G2E3: variants seen among roughly 807,000 people sequenced by gnomAD.
G2E3 encodes the protein G2/M phase-specific E3 ubiquitin-protein ligase.
A neutral mutation model predicts 92.8 loss-of-function variants in G2E3; 35 were observed. That is an observed-to-expected ratio of 0.38 (90% CI 0.29 to 0.50). The LOEUF (loss-of-function observed/expected upper bound fraction) is 0.50, where lower values mean the gene tolerates loss of function less well. G2E3 is among the 20% of genes least tolerant of loss of function. The probability of loss-of-function intolerance (pLI) is 0.94; values close to 1 mark genes in which losing one functional copy is unlikely to be tolerated. For missense variants in G2E3, 554 were observed against 823.8 expected, an observed-to-expected ratio of 0.67 and a Z score of 4.01; for synonymous variants, 242 against 272.4, an observed-to-expected ratio of 0.89 and a Z score of 1.10.
At chr14:30,585,028 G>A (rs1216999166) in intron 2 of G2E3, among the ~76,000 whole-genome samples, 3 of 151,692 alleles carry the variant, frequency 2.0e-5, no homozygotes, top group Non-Finnish European at 4.4e-5. Flanking sequence ...TAGAGATGGG[G>A]TTTCACCATG....
intron 7 of G2E3, among the ~76,000 whole-genome samples, chr14:30,597,898 T>C (rs1881367566): frequency 6.6e-6 from 1 of 152,188 alleles, no homozygotes; most frequent in Non-Finnish European, 1.5e-5. Flanking sequence ...GATAGTGAAC[T>C]TAAAATTAAA....
At chr14:30,572,507 C>G (rs954059185) in intron 1 of G2E3, among the ~76,000 whole-genome samples, 1 of 152,002 alleles carries the variant, frequency 6.6e-6, no homozygotes, top group Non-Finnish European at 1.5e-5. Flanking sequence ...TGTAGATGCC[C>G]TTTATTAGGT....
intron 1 of G2E3, among the ~76,000 whole-genome samples, chr14:30,563,693 TTTTGTGTG>T (rs1434314951): frequency 8.4e-6 from 1 of 118,422 alleles, no homozygotes; most frequent in Admixed American, 9.1e-5. Context: ...ACTTTGTTAC[TTTTGTGTG>T]TGTGTGTGTG....
chr14:30,605,867 G>GAAAA, intron 11 of G2E3, 55 bp downstream of exon 11: 2 of 895,760 alleles, frequency 2.2e-6, no homozygotes, highest in Middle Eastern at 5.5e-4. Flanking sequence ...TAGAAAAAGA[G>GAAAA]ATAGATAGCT....
chr14:30,566,579 C>A (rs758669545), intron 1 of G2E3, among the ~76,000 whole-genome samples: 1 of 152,142 alleles, frequency 6.6e-6, no homozygotes, highest in African/African-American at 2.4e-5. Context: ...GTGTGTTGAT[C>A]TTGCATCCTG....
chr14:30,563,736 T>TGTGTGA lies in G2E3; in HGVS notation c.-5+4467_-5+4468insTGAGTG, dbSNP rs59557580. 2.6e-3 allele frequency among the ~76,000 whole-genome samples: 366 copies of TGTGTGA among 142,492 alleles called. 1 individual carries two copies. Among genetic ancestry groups the TGTGTGA allele is most frequent in the African/African-American group, 8.7e-3 (335 of 38,612 alleles). 93.5% of individuals were successfully genotyped at this position (142,492 alleles called of 152,430 possible). ...GTGTGTGTGTGTGTGTGTGTGTGTG[T>TGTGTGA]GTGATATAGAGTCTCACTCTGTTGC... On this transcript the variant is annotated intron_variant, in intron 1 of 14. Coordinates refer to ENST00000206595, the MANE Select transcript of G2E3 (RefSeq NM_017769.5).
chr14:30,583,212 G>A (rs1352634374), intron 2 of G2E3, among the ~76,000 whole-genome samples: 2 of 152,104 alleles, frequency 1.3e-5, no homozygotes, highest in African/African-American at 4.8e-5. Flanking sequence ...TGTTTCATTA[G>A]CATCTTAATA....
Position 30,615,508 on chromosome 14 carries a change from GT to G in G2E3, c.1837del (p.Trp613GlyfsTer58). 1 of 1,600,736 alleles carries G rather than the reference GT, an allele frequency of 6.2e-7. No individual in the cohort carries two copies. The highest frequency in any genetic ancestry group is 2.3e-5 in the East Asian group (1 of 44,430). ...HTLPDVKALG[F>X]WNSYLQAVED... ...CATTACCTGATGTGAAAGCTTTGGG[GT>G]TTTGGAACAGTTACTTACAGGCTGT... On this transcript the variant is annotated frameshift_variant, in exon 14 of 15. Coordinates refer to ENST00000206595, the MANE Select transcript of G2E3 (RefSeq NM_017769.5). LOFTEE classifies it high-confidence loss of function.
intron 1 of G2E3, among the ~76,000 whole-genome samples, chr14:30,579,240 A>G (rs1880292679): frequency 1.3e-5 from 2 of 152,186 alleles, no homozygotes; most frequent in African/African-American, 4.8e-5. Flanking sequence ...GGAGCTAGGA[A>G]AAATAGTACT....
chr14:30,584,578 T>C (rs529923297), intron 2 of G2E3, among the ~76,000 whole-genome samples: 1 of 152,332 alleles, frequency 6.6e-6, no homozygotes, highest in African/African-American at 2.4e-5. Context: ...TCCTTGTGAG[T>C]GTGAAGTGGT....
intron 6 of G2E3, among the ~76,000 whole-genome samples, chr14:30,594,388 TTTAAAAG>T (rs1329557854): frequency 6.6e-6 from 1 of 152,168 alleles, no homozygotes; most frequent in African/African-American, 2.4e-5. Flanking sequence ...CAGACATATT[TTTAAAAG>T]TTAAAAGATG....
chr14:30,607,948 G>A lies in G2E3; in HGVS notation c.1379G>A (p.Gly460Asp). 6.2e-7 allele frequency: 1 copy of A among 1,609,416 alleles called. No homozygotes were observed. The highest frequency in any genetic ancestry group is 8.5e-7 in the Non-Finnish European group (1 of 1,177,680). ...ATGCTTGCCATTTCTTTAGTTCACG[G>A]TGGTCCTTCACCTGGTTTCTTTTCT... ...GKMLAISLVHGGPSPGFFSKT... is the reference protein window; with the variant it reads ...GKMLAISLVHDGPSPGFFSKT... The change falls in exon 12 of 15, where the codon GGT becomes GAT. Residue 460 changes from glycine to aspartate, a missense_variant. Gly to Asp is a moderately conservative substitution (Grantham distance 94, BLOSUM62 -1). Coordinates refer to ENST00000206595, the MANE Select transcript of G2E3 (RefSeq NM_017769.5).
At chr14:30,597,685 T>C (rs1217980825) in intron 7 of G2E3, among the ~76,000 whole-genome samples, 159 bp downstream of exon 7, 1 of 152,222 alleles carries the variant, frequency 6.6e-6, no homozygotes, top group Non-Finnish European at 1.5e-5. Flanking sequence ...TGGCCAGTTC[T>C]TGGAAAGCAG....
chr14:30,592,431 T>C lies in G2E3; in HGVS notation c.346T>C (p.Phe116Leu). 1 of 1,583,828 alleles carries C rather than the reference T, an allele frequency of 6.3e-7. No homozygotes were observed. Among genetic ancestry groups the C allele is most frequent in the Non-Finnish European group, 8.6e-7 (1 of 1,169,158 alleles). Residue 116 changes from phenylalanine (F) to leucine (L), a missense_variant, in exon 5 of 15, where the codon TTT becomes CTT. Coordinates refer to ENST00000206595, the MANE Select transcript of G2E3 (RefSeq NM_017769.5). ...ACTTCAGAGAGAATGTATTTTCCAG[T>C]TTACTGGCAATTTTGCGTGAGTTAT... ...CGLQRECIFQ[F>L]TGNFASFCWD... is the part of the protein sequence containing the mutation.
intron 1 of G2E3, among the ~76,000 whole-genome samples, chr14:30,567,340 CTT>C (rs1054043907): frequency 2.0e-5 from 3 of 152,102 alleles, no homozygotes; most frequent in Non-Finnish European, 4.4e-5. Flanking sequence ...GATTCAATCT[CTT>C]GTTTGTAGAT....
intron 1 of G2E3, among the ~76,000 whole-genome samples, chr14:30,574,007 A>G (rs888224334): frequency 1.3e-5 from 2 of 152,040 alleles, no homozygotes; most frequent in Non-Finnish European, 2.9e-5. Context: ...TTTTATTTTG[A>G]AATTATTCTA....
At chr14:30,583,622 A>G (rs1880548445) in intron 2 of G2E3, among the ~76,000 whole-genome samples, 1 of 152,214 alleles carries the variant, frequency 6.6e-6, no homozygotes, top group Admixed American at 6.5e-5. Context: ...GTTGATAACA[A>G]TGTATTGTGT....
chr14:30,567,169 C>T (rs186625051), intron 1 of G2E3, among the ~76,000 whole-genome samples: 74 of 152,088 alleles, frequency 4.9e-4, no homozygotes, highest in African/African-American at 1.6e-3. Flanking sequence ...GCTTTGGTAT[C>T]GGGGTATTGG....
chr14:30,581,103 C>T lies in G2E3; in HGVS notation c.24C>T (p.Asp8=). 6.8e-7 allele frequency: 1 copy of T among 1,469,312 alleles called. No individual in the cohort carries two copies. The highest frequency in any genetic ancestry group is 9.5e-7 in the Non-Finnish European group (1 of 1,050,272). The allele number at this position is 1,469,312 out of a possible 1,614,324, so 91.0% of individuals were successfully genotyped here. ...AAATGAATGAAAGTAAACCTGGTGA[C>T]TCACAGAACCTTGGTAAGTAACTGT... MNESKPG[D]SQNLACVFCR... The change falls in exon 2 of 15, where the codon GAC becomes GAT. Residue 8 remains aspartate (D), a synonymous_variant. Transcript: ENST00000206595.
Sources: gnomAD v4.1 joint callset for allele counts (sites outside exome capture counted in the v4.1 genomes callset) on GRCh38, gnomAD v4.1.1 for gene constraint, MANE v1.5 for transcripts, NCBI Gene and HGNC (gene_info 2026-07-23, HGNC 2026-07-21) for gene names.